ADGRV1: variants seen among roughly 807,000 people sequenced by gnomAD.
The protein encoded by ADGRV1 is G-protein coupled receptor 98.
ADGRV1 carries 359 observed loss-of-function variants against 596.2 expected under a neutral mutation model. The observed-to-expected ratio is 0.60, with a 90% CI of 0.55 to 0.66. The LOEUF (loss-of-function observed/expected upper bound fraction) is 0.66. Among genes scored for constraint, ADGRV1 ranks in the 30% least tolerant of loss-of-function variants. The pLI, the probability that ADGRV1 is intolerant of heterozygous loss-of-function variation, is 0.00. For synonymous variants in ADGRV1, 2,681 were observed against 2,679.2 expected (o/e 1.00, Z -0.02); for missense variants, 7,274 against 7,575.6 (o/e 0.96, Z 1.48).
intron 85 of ADGRV1, among the ~76,000 whole-genome samples, chr5:90,996,393 A>G (rs1414124038): frequency 6.6e-6 from 1 of 152,164 alleles, no homozygotes; most frequent in East Asian, 1.9e-4. Context: ...AAGCCATAAG[A>G]ATCCTTGGCA....
At chr5:91,043,651 A>T (rs1785551904) in intron 85 of ADGRV1, among the ~76,000 whole-genome samples, 1 of 152,134 alleles carries the variant, frequency 6.6e-6, no homozygotes, top group Admixed American at 6.6e-5. Flanking sequence ...TATTGTGAGG[A>T]TTAAATAAGT....
In ADGRV1 at chr5:90,781,363, C is replaced by T. The variant is rs780357835; in HGVS notation, c.13083-67C>T. On this transcript the variant is annotated intron_variant, in intron 64 of 89. Transcript: ENST00000405460. ...AGCTAAGAGGATCTTTTAATTCATG[C>T]TATGCAATTATGTATTTTTTGTTGT... The T allele has an allele frequency of 5.1e-6, 6 of 1,179,414 alleles. No individual in the cohort carries two copies. The South Asian group carries it at 7.9e-5, about 15-fold the overall frequency. The allele number at this position is 1,179,414 out of a possible 1,614,324, so 73.1% of individuals were successfully genotyped here.
Position 90,763,368 on chromosome 5 carries a change from C to T in ADGRV1, c.12184C>T (p.Arg4062Trp), listed in dbSNP as rs775426944. ...PDSYVTLTVVRSPGGKGTVRL... is the reference protein window; with the variant it reads ...PDSYVTLTVVWSPGGKGTVRL... ...TTCATATGTGACATTGACGGTTGTCCGGTCCCCAGGAGGAAAAGGAACCGT... is the reference window on the plus strand; with the variant it reads ...TTCATATGTGACATTGACGGTTGTCTGGTCCCCAGGAGGAAAAGGAACCGT... Residue 4062 changes from arginine (R) to tryptophan (W), a missense_variant, in exon 59 of 90, where the codon CGG becomes TGG. By Grantham distance (101) the Arg-to-Trp change is moderately radical. Around this residue, in one of 5 missense-constraint regions of ADGRV1, gnomAD observed 3,643 missense variants for 3,809.2 expected, o/e 0.96. Coordinates refer to ENST00000405460, the MANE Select transcript of ADGRV1 (RefSeq NM_032119.4). 14 of 1,611,968 alleles carry T rather than the reference C, an allele frequency of 8.7e-6. No individual in the cohort carries two copies. The highest frequency in any genetic ancestry group is 1.1e-5 in the South Asian group (1 of 90,794).
Position 90,753,724 on chromosome 5 carries a change from C to A in ADGRV1, c.11272C>A (p.Gln3758Lys), listed in dbSNP as rs373634531. 1.1e-5 allele frequency: 18 copies of A among 1,613,456 alleles called. No individual in the cohort carries two copies. The highest frequency in any genetic ancestry group is 1.3e-5 in the Non-Finnish European group (15 of 1,179,668). ...EDSYKGATID[Q>K]DRSKSVITTL... ...CTCATACAAAGGTGCTACTATTGAT[C>A]AGGACAGAAGCAAGTCTGTTATAAC... is the stretch of plus-strand genomic sequence containing the variant. Residue 3758 changes from glutamine (Q) to lysine (K), a missense_variant, in exon 54 of 90, where the codon CAG (glutamine) becomes AAG (lysine). Around this residue, in one of 5 missense-constraint regions of ADGRV1, gnomAD observed 3,643 missense variants for 3,809.2 expected, o/e 0.96. Transcript: ENST00000405460.
chr5:90,775,251 AT>A (rs1758105537), intron 60 of ADGRV1, among the ~76,000 whole-genome samples: 1 of 152,204 alleles, frequency 6.6e-6, no homozygotes, highest in Non-Finnish European at 1.5e-5. Flanking sequence ...TAGAGTATCT[AT>A]CACTGTGTAT....
At chr5:90,759,363 C>T (rs1561672257) in intron 57 of ADGRV1, 46 bp from the exon 58 acceptor site, 42 of 1,316,342 alleles carry the variant, frequency 3.2e-5, no homozygotes, top group Non-Finnish European at 4.4e-5. Context: ...TATCTTCCTC[C>T]TTCTTTTCCT....
chr5:91,080,791 T>G (rs1213161782), intron 86 of ADGRV1, among the ~76,000 whole-genome samples: 2 of 152,172 alleles, frequency 1.3e-5, no homozygotes, highest in African/African-American at 4.8e-5. Flanking sequence ...AGATAAAATT[T>G]TAATTCATAT....
intron 1 of ADGRV1, among the ~76,000 whole-genome samples, chr5:90,594,129 G>A (rs1300636745): frequency 6.6e-6 from 1 of 152,170 alleles, no homozygotes; most frequent in Non-Finnish European, 1.5e-5. Context: ...AGAAGAGGAT[G>A]CAAAGGTAAA....
At position 90,873,408 on chromosome 5, in the gene ADGRV1, T is replaced by G. The variant is rs556941077; in HGVS notation, c.17856+9551T>G. Reference sequence around the variant, plus strand: ...AACCAAGTGGGTTTTGTGGTCACATTTCATCTGTAGATGATGGCATGTGCA... The same window carrying G: ...AACCAAGTGGGTTTTGTGGTCACATGTCATCTGTAGATGATGGCATGTGCA... On this transcript the variant is annotated intron_variant, in intron 83 of 89. Transcript: ENST00000405460. Among the ~76,000 whole-genome samples, 11 of 152,286 alleles carry G rather than the reference T, an allele frequency of 7.2e-5. 1 individual carries two copies. Among genetic ancestry groups the G allele is most frequent in the Middle Eastern group, 3.4e-3 (1 of 294 alleles).
At chr5:90,940,661 T>G (rs75836649) in intron 83 of ADGRV1, among the ~76,000 whole-genome samples, 14,584 of 152,210 alleles carry the variant, frequency 0.096, 960 homozygotes, top group East Asian at 0.25. Flanking sequence ...GCAAAAAGCC[T>G]TGCTCTGTTA....
intron 84 of ADGRV1, among the ~76,000 whole-genome samples, chr5:90,965,916 A>G (rs1778415990): frequency 6.6e-6 from 1 of 152,220 alleles, no homozygotes; most frequent in Non-Finnish European, 1.5e-5. Flanking sequence ...AATATGAGAC[A>G]GGAAAGAGTG....
At chr5:90,771,572 A>T (rs930663667) in intron 59 of ADGRV1, among the ~76,000 whole-genome samples, 3 of 152,202 alleles carry the variant, frequency 2.0e-5, no homozygotes, top group African/African-American at 7.2e-5. Context: ...TCTACATCAT[A>T]GGATAAAAAT....
chr5:91,069,928 C>CA (rs70973728), intron 85 of ADGRV1, among the ~76,000 whole-genome samples: 63,491 of 136,582 alleles, frequency 0.46, 15,327 homozygotes, highest in Non-Finnish European at 0.57. Flanking sequence ...AATGTAGCCA[C>CA]AAAAAAAAAA....
chr5:90,824,566 G>T (rs1311103900), intron 76 of ADGRV1, among the ~76,000 whole-genome samples: 4 of 152,144 alleles, frequency 2.6e-5, no homozygotes, highest in Non-Finnish European at 5.9e-5. Context: ...TTCTTGAGTG[G>T]AGTTATCATC....
intron 77 of ADGRV1, among the ~76,000 whole-genome samples, chr5:90,834,873 C>T (rs1764830091): frequency 6.6e-6 from 1 of 150,632 alleles, no homozygotes; most frequent in Admixed American, 6.6e-5. Flanking sequence ...TTCTTTCTTT[C>T]TCTTTCTTTC....
At chr5:90,607,940 A>C (rs770709404) in intron 1 of ADGRV1, among the ~76,000 whole-genome samples, 61 of 152,136 alleles carry the variant, frequency 4.0e-4, no homozygotes, top group Non-Finnish European at 6.8e-4. Context: ...GTAACAAAGA[A>C]TACAAAGAGG....
At chr5:90,882,726 A>G (rs972782702) in intron 83 of ADGRV1, among the ~76,000 whole-genome samples, 1 of 152,186 alleles carries the variant, frequency 6.6e-6, no homozygotes, top group Non-Finnish European at 1.5e-5. Context: ...ACTAGGGCAT[A>G]TGGATTAAGG....
intron 86 of ADGRV1, among the ~76,000 whole-genome samples, chr5:91,099,434 C>T (rs778898406): frequency 5.3e-5 from 8 of 152,118 alleles, no homozygotes; most frequent in East Asian, 1.9e-4. Context: ...GCCCAAGCCT[C>T]GGTGTCAGAA....
intron 77 of ADGRV1, among the ~76,000 whole-genome samples, chr5:90,836,748 C>A: frequency 6.6e-6 from 1 of 152,094 alleles, no homozygotes; most frequent in Non-Finnish European, 1.5e-5. Context: ...TGTAGGAAAT[C>A]TCCTTTATTA....
Sources: allele counts gnomAD v4.1 joint callset (sites outside exome capture counted in the v4.1 genomes callset), GRCh38; gene constraint gnomAD v4.1.1; regional missense constraint gnomAD v4.1.1; transcripts MANE v1.5; gene names NCBI Gene and HGNC (gene_info 2026-07-23, HGNC 2026-07-21).